Variants in ATG10 observed in about 807,000 individuals in gnomAD.
The protein encoded by ATG10 is autophagy related 10.
A neutral mutation model predicts 32.1 loss-of-function variants in ATG10; 30 were observed. That is an observed-to-expected ratio of 0.94 (90% CI 0.70 to 1.27). ATG10 has a LOEUF of 1.27. ATG10 is among the 50% of genes most tolerant of loss of function. ATG10 has a pLI of 0.00. For missense variants in ATG10, 233 were observed against 262.3 expected (o/e 0.89, Z 0.77); for synonymous variants, 87 against 91.5 (o/e 0.95, Z 0.28).
intron 4 of ATG10, among the ~76,000 whole-genome samples, chr5:82,165,585 T>C (rs1253569617): frequency 1.3e-5 from 2 of 152,194 alleles, no homozygotes; most frequent in Admixed American, 1.3e-4. Flanking sequence ...GAACTGACAA[T>C]TTGGGGTAAA....
At chr5:82,092,244 T>C (rs1325119532) in intron 3 of ATG10, among the ~76,000 whole-genome samples, 1 of 152,154 alleles carries the variant, frequency 6.6e-6, no homozygotes, top group Admixed American at 6.6e-5. Flanking sequence ...ATAAACAAGA[T>C]TGAATACTAC....
chr5:82,050,938 G>A (rs771499507), intron 2 of ATG10, among the ~76,000 whole-genome samples: 16 of 150,914 alleles, frequency 1.1e-4, no homozygotes, highest in Non-Finnish European at 1.6e-4. Context: ...CTGGGCCCAG[G>A]AATTAGAAGC....
chr5:82,129,256 C>T (rs1766412388), intron 3 of ATG10, among the ~76,000 whole-genome samples: 1 of 151,830 alleles, frequency 6.6e-6, no homozygotes, highest in South Asian at 2.1e-4. Context: ...AACCATTTTT[C>T]AAGGCTGTTA....
chr5:82,159,878 C>A (rs756601440), intron 3 of ATG10, among the ~76,000 whole-genome samples: 11 of 152,040 alleles, frequency 7.2e-5, no homozygotes, highest in Non-Finnish European at 1.5e-4. Context: ...TTGAGATAAC[C>A]ATAGGTTCAC....
At chr5:82,111,711 A>T (rs981477894) in intron 3 of ATG10, among the ~76,000 whole-genome samples, 1 of 151,984 alleles carries the variant, frequency 6.6e-6, no homozygotes, top group East Asian at 1.9e-4. Context: ...AGTAGATGAA[A>T]ACACTGGTGA....
intron 5 of ATG10, among the ~76,000 whole-genome samples, chr5:82,217,877 T>C (rs1374983964): frequency 6.6e-6 from 1 of 151,544 alleles, no homozygotes; most frequent in Non-Finnish European, 1.5e-5. Flanking sequence ...CTCGGGAGGC[T>C]GAGGTAGGAG....
rs896519240 is a variant in ATG10 at position 82,174,304 on chromosome 5, T to C, written c.356-4186T>C. ...CATTGTTGTCATAGAGACAAAGCTA[T>C]ATTTACCCAGACCTTTTACAGTGTA... is the stretch of plus-strand genomic sequence containing the variant. On this transcript the variant is annotated intron_variant, in intron 4 of 7. Coordinates refer to ENST00000282185, the MANE Select transcript of ATG10 (RefSeq NM_031482.5). 3.3e-5 allele frequency among the ~76,000 whole-genome samples: 5 copies of C among 152,184 alleles called. No individual in the cohort carries two copies. The South Asian group carries it at 6.2e-4, about 19-fold the overall frequency.
At chr5:82,062,514 T>C (rs1763816906) in intron 3 of ATG10, among the ~76,000 whole-genome samples, 1 of 152,218 alleles carries the variant, frequency 6.6e-6, no homozygotes, top group Non-Finnish European at 1.5e-5. Context: ...TCTTACTTCC[T>C]GTTTTGGTTG....
intron 3 of ATG10, among the ~76,000 whole-genome samples, chr5:82,088,888 C>G (rs1253667598): frequency 6.6e-6 from 1 of 151,886 alleles, no homozygotes; most frequent in Non-Finnish European, 1.5e-5. Context: ...TAATGTAATT[C>G]CTATCAAAGT....
chr5:82,186,896 T>TA (rs1489639432), intron 5 of ATG10, among the ~76,000 whole-genome samples: 2 of 152,188 alleles, frequency 1.3e-5, no homozygotes, highest in African/African-American at 4.8e-5. Context: ...TTCGTTTTTT[T>TA]ATCCATTCGG....
At chr5:82,001,200 A>G (rs765067355) in intron 2 of ATG10, among the ~76,000 whole-genome samples, 9 of 152,242 alleles carry the variant, frequency 5.9e-5, no homozygotes, top group Non-Finnish European at 1.0e-4. Flanking sequence ...TAAAATGGCC[A>G]TACTGCCCAA....
At chr5:82,172,284 G>A (rs1743838268) in intron 4 of ATG10, among the ~76,000 whole-genome samples, 1 of 152,196 alleles carries the variant, frequency 6.6e-6, no homozygotes, top group African/African-American at 2.4e-5. Flanking sequence ...ATGTAGTGGT[G>A]AAAAGCGCAT....
chr5:82,133,738 T>C (rs1766630481), intron 3 of ATG10, among the ~76,000 whole-genome samples: 1 of 152,122 alleles, frequency 6.6e-6, no homozygotes, highest in Non-Finnish European at 1.5e-5. Flanking sequence ...AAATTTAAAG[T>C]AGTTTTTTCT....
Position 82,024,322 on chromosome 5 carries a change from CTG to C in ATG10, c.109-34171_109-34170del, listed in dbSNP as rs1052425515. ...TAGATATTTGGGTTGGGATGAGAGA[CTG>C]TATTCTAAGGCAGCATTACTCAAAG... On this transcript the variant is annotated intron_variant, in intron 2 of 7. Coordinates refer to ENST00000282185, the MANE Select transcript of ATG10 (RefSeq NM_031482.5). 4.7e-4 allele frequency among the ~76,000 whole-genome samples: 71 copies of C among 152,220 alleles called. 1 individual carries two copies. The highest frequency in any genetic ancestry group is 3.4e-3 in the Middle Eastern group (1 of 294).
At chr5:82,137,964 C>T in intron 3 of ATG10, among the ~76,000 whole-genome samples, 1 of 152,198 alleles carries the variant, frequency 6.6e-6, no homozygotes, top group East Asian at 1.9e-4. Context: ...GCTAGAGTGT[C>T]TTTGCTGAGC....
intron 3 of ATG10, 145 bp downstream of exon 3, chr5:82,058,747 T>G: frequency 1.9e-6 from 1 of 536,126 alleles, no homozygotes; most frequent in Non-Finnish European, 3.3e-6. Flanking sequence ...ACTTTAATTC[T>G]GTTAAGTAAA....
chr5:82,223,630 CT>C, intron 5 of ATG10, among the ~76,000 whole-genome samples: 1 of 152,242 alleles, frequency 6.6e-6, no homozygotes, highest in African/African-American at 2.4e-5. Flanking sequence ...GCATGGTCTT[CT>C]TTCCCCAAAG....
chr5:82,159,517 CT>C (rs1743220506), intron 3 of ATG10, among the ~76,000 whole-genome samples: 1 of 152,066 alleles, frequency 6.6e-6, no homozygotes, highest in African/African-American at 2.4e-5. Context: ...TCTCTTCATT[CT>C]GTGTTCTGTA....
At chr5:82,063,496 T>TG (rs1421938860) in intron 3 of ATG10, among the ~76,000 whole-genome samples, 1 of 146,446 alleles carries the variant, frequency 6.8e-6, no homozygotes, top group Non-Finnish European at 1.5e-5. Flanking sequence ...TGCTAACAAT[T>TG]TTTTTTTTTT....
Sources: gnomAD v4.1 joint callset for allele counts (sites outside exome capture counted in the v4.1 genomes callset) on GRCh38, gnomAD v4.1.1 for gene constraint, MANE v1.5 for transcripts, NCBI Gene and HGNC (gene_info 2026-07-23, HGNC 2026-07-21) for gene names.